Variants in CAPN11 observed in about 807,000 individuals in gnomAD.
The protein encoded by CAPN11 is calpain-11.
In CAPN11, 108 loss-of-function variants were observed where a neutral mutation model predicts 105.3. The observed-to-expected ratio is 1.03, with a 90% CI of 0.88 to 1.20. The LOEUF is 1.20. Ranked by LOEUF, CAPN11 falls within the 50% of genes most tolerant of loss-of-function variation. The probability of loss-of-function intolerance (pLI) is 0.00; values close to 1 mark genes in which losing one functional copy is unlikely to be tolerated. For synonymous variants in CAPN11, 329 were observed against 344.5 expected (o/e 0.96, Z 0.50); for missense variants, 883 against 924.8 (o/e 0.95, Z 0.59).
chr6:44,174,863 G>A (rs1332120845), intron 7 of CAPN11, among the ~76,000 whole-genome samples: 2 of 152,182 alleles, frequency 1.3e-5, no homozygotes, highest in East Asian at 3.9e-4. Flanking sequence ...CAGGTGATCC[G>A]CCTGCCTTGG....
intron 12 of CAPN11, among the ~76,000 whole-genome samples, chr6:44,178,306 T>G (rs1025560231): frequency 6.6e-6 from 1 of 152,048 alleles, no homozygotes; most frequent in Non-Finnish European, 1.5e-5. Context: ...CTGAGACTTC[T>G]CCACACGCCC....
chr6:44,160,180 C>T (rs985372370), intron 1 of CAPN11, among the ~76,000 whole-genome samples: 4 of 152,036 alleles, frequency 2.6e-5, no homozygotes, highest in Non-Finnish European at 4.4e-5. Context: ...GTGTTCTCAC[C>T]ACAAACAAAT....
At chr6:44,183,643 T>A in intron 21 of CAPN11, 62 bp from the exon 22 acceptor site, 2 of 1,503,828 alleles carry the variant, frequency 1.3e-6, no homozygotes, top group Non-Finnish European at 9.2e-7. Flanking sequence ...TAGTTGGGAG[T>A]GGTTCTTTCG....
At chr6:44,165,809 C>A (rs899474354) in intron 1 of CAPN11, among the ~76,000 whole-genome samples, 7 of 152,098 alleles carry the variant, frequency 4.6e-5, no homozygotes, top group Admixed American at 3.3e-4. Context: ...GCTGGCAAAG[C>A]GATGTCCTGA....
Position 44,184,205 on chromosome 6 carries a change from C to A in CAPN11, c.*273C>A. On this transcript the variant is annotated 3_prime_UTR_variant, in exon 23 of 23. Transcript: ENST00000398776. The stretch of plus-strand genomic sequence containing the variant: ...CATCGCTCTCTCAGAGTATATTTTA[C>A]TAAAGAGTAGTTGATGCTTCCCCAG... 1.9e-6 allele frequency: 1 copy of A among 536,210 alleles called. No homozygotes were observed. Among genetic ancestry groups the A allele is most frequent in the Non-Finnish European group, 3.3e-6 (1 of 299,662 alleles). The allele number at this position is 536,210 out of a possible 1,614,324, so 33.2% of individuals were successfully genotyped here. A position where few individuals can be genotyped will look rare whatever the true frequency, so the allele number is the denominator to read the frequency against.
Position 44,169,261 on chromosome 6 carries a change from T to TC in CAPN11, c.89-19dup, listed in dbSNP as rs1770564026. The TC allele has an allele frequency of 6.3e-7, 1 of 1,587,882 alleles. No homozygotes were observed. Among genetic ancestry groups the TC allele is most frequent in the Non-Finnish European group, 8.6e-7 (1 of 1,167,784 alleles). On this transcript the variant is annotated intron_variant, in intron 2 of 22. Transcript: ENST00000398776. ...TTACATTTTTTACTTGCGTTATTTC[T>TC]CTTTTTTTTTCTTAAGCAGAGCCCA...
chr6:44,161,493 C>T (rs893207237), intron 1 of CAPN11, among the ~76,000 whole-genome samples: 9 of 152,206 alleles, frequency 5.9e-5, no homozygotes, highest in Non-Finnish European at 1.2e-4. Context: ...AGCCACAGTG[C>T]CCAACTTAAA....
In CAPN11 at chr6:44,173,049, C is replaced by A; in HGVS notation, c.638C>A (p.Ala213Asp). 6.2e-7 allele frequency: 1 copy of A among 1,613,432 alleles called. No homozygotes were observed. The highest frequency in any genetic ancestry group is 8.5e-7 in the Non-Finnish European group (1 of 1,179,676). Residue 213 changes from alanine to aspartate, a missense_variant, in exon 6 of 23, where the codon GCC becomes GAC. Ala to Asp is a moderately radical substitution (Grantham distance 126). Coordinates refer to ENST00000398776, the MANE Select transcript of CAPN11 (RefSeq NM_007058.4). ...HSTERSEFWS[A>D]LLEKAYAKLS... The stretch of plus-strand genomic sequence containing the variant: ...ACCGAACGCAGTGAGTTCTGGAGTG[C>A]CCTGCTGGAGAAGGCGTATGCCAAG...
chr6:44,177,211 G>C (rs534515694), intron 11 of CAPN11, 31 bp from the exon 12 acceptor site: 6 of 1,551,060 alleles, frequency 3.9e-6, no homozygotes, highest in Non-Finnish European at 5.2e-6. Context: ...GGAAGCCCCC[G>C]TATAACCACG....
Position 44,176,247 on chromosome 6 carries a change from A to G in CAPN11, c.916-6A>G. The G allele has an allele frequency of 6.5e-7, 1 of 1,547,888 alleles. No homozygotes were observed. Among genetic ancestry groups the G allele is most frequent in the Non-Finnish European group, 8.8e-7 (1 of 1,130,278 alleles). ...CTCTGACCTTTAACCACCCCCGCCC[A>G]CCCAGGTCCACTACAGAGGCAAAAT... On this transcript the variant is annotated splice_region_variant and splice_polypyrimidine_tract_variant and intron_variant, in intron 8 of 22. Coordinates refer to ENST00000398776, the MANE Select transcript of CAPN11 (RefSeq NM_007058.4).
At chr6:44,163,490 TGA>T (rs1205950728) in intron 1 of CAPN11, among the ~76,000 whole-genome samples, 2 of 152,176 alleles carry the variant, frequency 1.3e-5, no homozygotes, top group Non-Finnish European at 2.9e-5. Context: ...GCCTGATGGC[TGA>T]GAGCATAGAG....
intron 11 of CAPN11, 36 bp downstream of exon 11, chr6:44,177,034 G>C: frequency 3.7e-6 from 6 of 1,602,436 alleles, no homozygotes; most frequent in Non-Finnish European, 5.1e-6. Flanking sequence ...GGTGTGCAGG[G>C]AGTGAAGGAT....
intron 1 of CAPN11, among the ~76,000 whole-genome samples, chr6:44,159,129 G>C (rs962837586): frequency 5.1e-5 from 7 of 136,850 alleles, no homozygotes; most frequent in Non-Finnish European, 1.1e-4. Context: ...TGGTAGGCCG[G>C]GCAGGAACTC....
chr6:44,164,529 G>A (rs1769462898), intron 1 of CAPN11, among the ~76,000 whole-genome samples: 1 of 152,204 alleles, frequency 6.6e-6, no homozygotes, highest in South Asian at 2.1e-4. Context: ...CTCAGGGAAG[G>A]CAGGTAGTGA....
intron 4 of CAPN11, 103 bp downstream of exon 4, chr6:44,170,078 A>T: frequency 1.2e-6 from 1 of 839,052 alleles, no homozygotes; most frequent in Non-Finnish European, 2.0e-6. Flanking sequence ...CTGAGGTCAG[A>T]CAGCCTGCTT....
chr6:44,160,232 G>A (rs1388698958), intron 1 of CAPN11, among the ~76,000 whole-genome samples: 1 of 152,160 alleles, frequency 6.6e-6, no homozygotes, highest in Non-Finnish European at 1.5e-5. Context: ...TAGCTCAACT[G>A]AGCCATTCCA....
Position 44,182,046 on chromosome 6 carries a change from CACACACA to C in CAPN11, c.1938+727_1938+733del, listed in dbSNP as rs1365501864. On this transcript the variant is annotated intron_variant, in intron 19 of 22. Transcript: ENST00000398776. Reference sequence around the variant, plus strand: ...CACATACAGACACAACCACACCACACACACACATACAGACACAACCACACCACACACA... The same window carrying C: ...CACATACAGACACAACCACACCACACTACAGACACAACCACACCACACACA... Among the ~76,000 whole-genome samples the C allele has an allele frequency of 9.0e-4, 27 of 29,964 alleles. 10 individuals carry two copies. Among genetic ancestry groups the C allele is most frequent in the Admixed American group, 1.8e-3 (6 of 3,336 alleles). 19.7% of individuals were successfully genotyped at this position (29,964 alleles called of 152,430 possible).
Position 44,169,521 on chromosome 6 carries a change from A to G in CAPN11, c.329A>G (p.Gln110Arg), listed in dbSNP as rs754225293. Residue 110 changes from glutamine to arginine, a missense_variant, in exon 3 of 23, where the codon CAG becomes CGG. Gln to Arg is a conservative substitution (Grantham distance 43). Coordinates refer to ENST00000398776, the MANE Select transcript of CAPN11 (RefSeq NM_007058.4). ...AAAAATGTGCAGAACATCTCCTGGC[A>G]GCGGCCCAAGGTGGGCACTGGAAGG... ...NSKNVQNISW[Q>R]RPKDIINNPL... The G allele has an allele frequency of 2.5e-6, 4 of 1,578,030 alleles. No homozygotes were observed. In the South Asian group the frequency reaches 4.6e-5, roughly 18 times the overall value.
rs1561853832 is a variant in CAPN11, at chr6:44,181,461, A to ACT, written c.1938+142_1938+143insTC. On this transcript the variant is annotated intron_variant, in intron 19 of 22. Transcript: ENST00000398776. ...AACCACACCACACTCACACACACAC[A>ACT]CACACACTCACATACAGACACAACC... The ACT allele has an allele frequency of 3.0e-5, 17 of 565,214 alleles. 1 individual carries two copies. In the African/African-American group the frequency reaches 3.2e-4, roughly 11 times the overall value. 35.0% of individuals were successfully genotyped at this position (565,214 alleles called of 1,614,324 possible). A position where few individuals can be genotyped will look rare whatever the true frequency, so the allele number is the denominator to read the frequency against.
Sources: allele counts gnomAD v4.1 joint callset (sites outside exome capture counted in the v4.1 genomes callset), GRCh38; gene constraint gnomAD v4.1.1; transcripts MANE v1.5; gene names NCBI Gene and HGNC (gene_info 2026-07-23, HGNC 2026-07-21).